DNAH10: variants seen among roughly 807,000 people sequenced by gnomAD.
DNAH10 encodes the protein dynein axonemal heavy chain 10.
DNAH10 carries 348 observed loss-of-function variants against 506.6 expected under a neutral mutation model. That is an observed-to-expected ratio of 0.69 (90% confidence interval 0.63 to 0.75). The LOEUF (loss-of-function observed/expected upper bound fraction) is 0.75. Ranked by LOEUF, DNAH10 falls within the 30% of genes least tolerant of loss-of-function variation. DNAH10 has a pLI of 0.00. For missense variants in DNAH10, 5,179 were observed against 5,787.1 expected (o/e 0.89, Z 3.41); for synonymous variants, 2,059 against 2,198.6 (o/e 0.94, Z 1.78).
At chr12:123,868,228 G>C (rs905742169) in intron 43 of DNAH10, 109 bp downstream of exon 43, 13 of 1,037,158 alleles carry the variant, frequency 1.3e-5, no homozygotes, top group Admixed American at 2.6e-5. Flanking sequence ...TTTCCAGATT[G>C]TTTGCTTCTT....
chr12:123,923,898 A>T (rs1954830836), intron 66 of DNAH10, 31 bp downstream of exon 66: 1 of 1,470,744 alleles, frequency 6.8e-7, no homozygotes, highest in African/African-American at 1.4e-5. Context: ...CATTCCTCCC[A>T]TCTCCTTGCC....
At chr12:123,876,087 G>A (rs905347832) in intron 47 of DNAH10, among the ~76,000 whole-genome samples, 13 of 152,184 alleles carry the variant, frequency 8.5e-5, no homozygotes, top group East Asian at 5.8e-4. Context: ...CTGATCTGGC[G>A]TTTCCCTGCT....
intron 26 of DNAH10, among the ~76,000 whole-genome samples, chr12:123,832,131 A>C (rs1296201913): frequency 6.6e-6 from 1 of 152,062 alleles, no homozygotes; most frequent in Non-Finnish European, 1.5e-5. Context: ...TATACACATA[A>C]TGTATACACA....
rs1437227862 is a variant in DNAH10, at chr12:123,790,061, C to T, written c.1755C>T (p.Phe585=). The T allele has an allele frequency of 1.9e-6, 3 of 1,614,048 alleles. No individual in the cohort carries two copies. Among genetic ancestry groups the T allele is most frequent in the African/African-American group, 1.3e-5 (1 of 74,902 alleles). The change falls in exon 11 of 79, where the codon TTC becomes TTT. Residue 585 remains phenylalanine (F), a synonymous_variant. Transcript: ENST00000673944. ...TGGAAAACCTGACCTTTGACCCCTT[C>T]AGCATCAAGTCCTCCCAGTTCTGGA... is the stretch of plus-strand genomic sequence containing the variant. ...TPMENLTFDP[F]SIKSSQFWKY... is the part of the protein sequence containing the mutation.
chr12:123,804,799 C>A, intron 17 of DNAH10, 34 bp from the exon 18 acceptor site: 2 of 1,586,082 alleles, frequency 1.3e-6, no homozygotes, highest in South Asian at 2.2e-5. Flanking sequence ...TCCCTGTGTT[C>A]GTGGACAGCT....
chr12:123,877,997 A>C (rs940318478), intron 48 of DNAH10, 89 bp downstream of exon 48: 4 of 1,451,946 alleles, frequency 2.8e-6, no homozygotes, highest in Admixed American at 2.2e-5. Context: ...AGTGGATTTG[A>C]TGAATCGTTG....
Position 123,853,217 on chromosome 12 carries a change from A to G in DNAH10, c.6303A>G (p.Lys2101=). 2 of 1,600,884 alleles carry G rather than the reference A, an allele frequency of 1.2e-6. No individual in the cohort carries two copies. Among genetic ancestry groups the G allele is most frequent in the Non-Finnish European group, 1.7e-6 (2 of 1,173,742 alleles). ...EGFLEAKTLA[K]KMTVLYKLAR... ...CTTCTATCAAAAAGACTCTGGCGAA[A>G]AAGATGACGGTTCTGTATAAGCTGG... Residue 2101 remains lysine, a synonymous_variant, in exon 36 of 79, where the codon AAA becomes AAG. Transcript: ENST00000673944. This position sits in a 1 kb window ranked among gnomAD's most constrained non-coding sequence, Gnocchi z 4.7.
At position 123,837,657 on chromosome 12, in the gene DNAH10, G is replaced by C. The variant is rs1164762400; in HGVS notation, c.4903-799G>C. Among the ~76,000 whole-genome samples, 3 of 150,052 alleles carry C rather than the reference G, an allele frequency of 2.0e-5. No homozygotes were observed. The East Asian group carries it at 5.8e-4, about 29-fold the overall frequency. ...AGTGGTGTGATCATAGCTCACTGCAGCCTCCAACTCCTGGGCTCATATGAT... is the reference window on the plus strand; with the variant it reads ...AGTGGTGTGATCATAGCTCACTGCACCCTCCAACTCCTGGGCTCATATGAT... On this transcript the variant is annotated intron_variant, in intron 28 of 78. Transcript: ENST00000673944.
rs1224791719 is a variant in DNAH10, at chr12:123,887,271, G to A, written c.8953G>A (p.Glu2985Lys). The A allele has an allele frequency of 1.9e-6, 3 of 1,613,868 alleles. No individual in the cohort carries two copies. Among genetic ancestry groups the A allele is most frequent in the Non-Finnish European group, 2.5e-6 (3 of 1,179,894 alleles). ...IFLFTDAHVA[E>K]EGFLELINNM... The stretch of plus-strand genomic sequence containing the variant: ...TCTGTTCACGGATGCCCATGTGGCT[G>A]AGGAGGGCTTCCTGGAGCTCATCAA... Residue 2985 changes from glutamate (E) to lysine (K), a missense_variant, in exon 52 of 79, where the codon GAG becomes AAG. Physicochemically the swap from Glu to Lys is moderately conservative, Grantham distance 56. Coordinates refer to ENST00000673944, the MANE Select transcript of DNAH10 (RefSeq NM_001372106.1).
rs199603366 is a variant in DNAH10, at chr12:123,841,284, C to T, written c.5137-38C>T. 179 of 1,601,620 alleles carry T rather than the reference C, an allele frequency of 1.1e-4. 1 individual carries two copies. Among genetic ancestry groups the T allele is most frequent in the Middle Eastern group, 3.3e-4 (2 of 6,060 alleles). ...TGGCTGGTCTTTGATTCCAGAACTC[C>T]GTGCAGGTCTTACAGGGCTGCCTCT... On this transcript the variant is annotated intron_variant, in intron 29 of 78. Transcript: ENST00000673944.
chr12:123,829,637 C>T (rs1225595424), intron 25 of DNAH10, among the ~76,000 whole-genome samples: 3 of 152,162 alleles, frequency 2.0e-5, no homozygotes, highest in South Asian at 2.1e-4. Context: ...CCTTCCTGTC[C>T]GTGCTGTGCT....
intron 54 of DNAH10, among the ~76,000 whole-genome samples, 176 bp from the exon 55 acceptor site, chr12:123,897,594 C>T (rs1953312416): frequency 6.6e-6 from 1 of 152,088 alleles, no homozygotes; most frequent in African/African-American, 2.4e-5. Context: ...GGCATGGTGG[C>T]CCATCCTGTA....
At chr12:123,879,412 C>G (rs1259037174) in intron 49 of DNAH10, 55 bp downstream of exon 49, 1 of 1,536,950 alleles carries the variant, frequency 6.5e-7, no homozygotes, top group African/African-American at 1.4e-5. Context: ...AATAAACAAG[C>G]GCCAAAAGTG....
Position 123,917,578 on chromosome 12 carries a change from CCA to C in DNAH10, c.11003-3_11003-2del, listed in dbSNP as rs1481986325. On this transcript the variant is annotated splice_polypyrimidine_tract_variant and splice_region_variant and intron_variant, in intron 63 of 78. Transcript: ENST00000673944. The surrounding 1 kb of genome is among the most constrained non-coding windows in gnomAD (Gnocchi z 5.6). ...GGTGGTGAGGGCCTCTCACTGTCCC[CCA>C]CAGTCACGCTGAAGGGCCTGGAGGA... is the stretch of plus-strand genomic sequence containing the variant. The C allele has an allele frequency of 3.9e-6, 6 of 1,550,692 alleles. No individual in the cohort carries two copies. In the African/African-American group the frequency reaches 8.2e-5, roughly 21 times the overall value.
At chr12:123,931,520 A>C (rs1260451827) in intron 74 of DNAH10, 48 bp downstream of exon 74, 1 of 1,607,730 alleles carries the variant, frequency 6.2e-7, no homozygotes, top group Non-Finnish European at 8.5e-7. Context: ...GGGTTTTACG[A>C]TTGCTTCTTG....
chr12:123,793,125 G>C (rs908058943), intron 11 of DNAH10, among the ~76,000 whole-genome samples: 1 of 152,082 alleles, frequency 6.6e-6, no homozygotes, highest in East Asian at 1.9e-4. Flanking sequence ...AGAATGGAGT[G>C]GGGGTGGGAG....
In DNAH10 at chr12:123,787,660, C is replaced by G. The variant is rs769236329; in HGVS notation, c.1422-144C>G. On this transcript the variant is annotated intron_variant, in intron 9 of 78. Coordinates refer to ENST00000673944, the MANE Select transcript of DNAH10 (RefSeq NM_001372106.1). This position sits in a 1 kb window ranked among gnomAD's most constrained non-coding sequence, Gnocchi z 4.6. ...ACATGGGACAGGGCAGCCGCTTGCC[C>G]GCTCTGCCTTTTCCGATGAGGCCGT... 4 of 965,186 alleles carry G rather than the reference C, an allele frequency of 4.1e-6. No individual in the cohort carries two copies. The highest frequency in any genetic ancestry group is 6.1e-6 in the Non-Finnish European group (4 of 650,462). The allele number at this position is 965,186 out of a possible 1,614,324, so 59.8% of individuals were successfully genotyped here.
chr12:123,930,857 G>A (rs563420063), intron 73 of DNAH10, among the ~76,000 whole-genome samples: 71 of 152,270 alleles, frequency 4.7e-4, no homozygotes, highest in African/African-American at 1.7e-3. Flanking sequence ...CATACGGCTG[G>A]ACTGGGTGTG....
intron 5 of DNAH10, among the ~76,000 whole-genome samples, chr12:123,777,702 G>A (rs11057352): frequency 0.48 from 72,563 of 152,024 alleles, 20,265 homozygotes; most frequent in East Asian, 0.94. Flanking sequence ...CTGGAGTGCA[G>A]TGGCGCGAGC....
Sources: gnomAD v4.1 joint callset for allele counts (sites outside exome capture counted in the v4.1 genomes callset) on GRCh38, gnomAD v4.1.1 for gene constraint, Gnocchi (gnomAD v3.1) non-coding constraint, MANE v1.5 for transcripts, NCBI Gene and HGNC (gene_info 2026-07-23, HGNC 2026-07-21) for gene names.